The following ERC2 variants were observed in gnomAD, a reference collection of about 807,000 sequenced individuals.
ERC2 encodes ERC protein 2.
A neutral mutation model predicts 114.8 loss-of-function variants in ERC2; 42 were observed. The observed-to-expected ratio is 0.37, with a 90% confidence interval of 0.29 to 0.47. The LOEUF is 0.47. Among genes scored for constraint, ERC2 ranks in the 20% least tolerant of loss-of-function variants. ERC2 has a pLI of 0.99. For synonymous variants in ERC2, 454 were observed against 425.5 expected (o/e 1.07, Z -0.82); for missense variants, 939 against 1,150.7 (o/e 0.82, Z 2.66).
chr3:55,669,052 C>G (rs2061459431), intron 17 of ERC2, among the ~76,000 whole-genome samples: 1 of 152,176 alleles, frequency 6.6e-6, no homozygotes, highest in African/African-American at 2.4e-5. Context: ...GGCAGGAGCA[C>G]AAGAGCTTAG....
At chr3:55,668,001 G>T (rs2061419720) in intron 17 of ERC2, among the ~76,000 whole-genome samples, 1 of 152,104 alleles carries the variant, frequency 6.6e-6, no homozygotes, top group Non-Finnish European at 1.5e-5. Context: ...TAGCATCCCT[G>T]CCACCCCACC....
At chr3:56,054,140 A>G (rs1222035420) in intron 7 of ERC2, among the ~76,000 whole-genome samples, 1 of 152,238 alleles carries the variant, frequency 6.6e-6, no homozygotes, top group Non-Finnish European at 1.5e-5. Context: ...GGAAAAACAG[A>G]GAATGATATA....
intron 6 of ERC2, among the ~76,000 whole-genome samples, chr3:56,137,644 A>G (rs958751410): frequency 1.1e-4 from 16 of 152,240 alleles, no homozygotes; most frequent in African/African-American, 3.4e-4. Context: ...CTGTGTTCCA[A>G]TAATACTTTA....
intron 1 of ERC2, among the ~76,000 whole-genome samples, chr3:56,443,980 T>G (rs1456701852): frequency 6.7e-6 from 1 of 149,114 alleles, no homozygotes; most frequent in Non-Finnish European, 1.5e-5. Context: ...TTTTTTTGGT[T>G]GAGATGGAGT....
In ERC2 at chr3:56,393,839, A is replaced by T. The variant is rs1327337627; in HGVS notation, c.657+40512T>A. On this transcript the variant is annotated intron_variant, in intron 2 of 17. Transcript: ENST00000288221. Reference sequence around the variant, plus strand: ...TACACTGCCATAAGCCTCAGTGAAGATCAAAGAAGCTTCATAGCACAAAGC... The same window carrying T: ...TACACTGCCATAAGCCTCAGTGAAGTTCAAAGAAGCTTCATAGCACAAAGC... Among the ~76,000 whole-genome samples, 3 of 152,272 alleles carry T rather than the reference A, an allele frequency of 2.0e-5. No individual in the cohort carries two copies. In the Middle Eastern group the frequency reaches 0.01, roughly 518 times the overall value.
chr3:55,982,617 A>G (rs923447197), intron 12 of ERC2, among the ~76,000 whole-genome samples: 5 of 152,102 alleles, frequency 3.3e-5, no homozygotes, highest in Admixed American at 6.5e-5. Flanking sequence ...GTCACACCGC[A>G]TTTCTTAAAT....
intron 10 of ERC2, among the ~76,000 whole-genome samples, chr3:55,992,608 G>A (rs1279937411): frequency 6.6e-6 from 1 of 152,160 alleles, no homozygotes; most frequent in Non-Finnish European, 1.5e-5. Context: ...ACTCCTCACA[G>A]TTAAGGAGGT....
intron 14 of ERC2, among the ~76,000 whole-genome samples, chr3:55,867,163 T>G (rs1166632351): frequency 6.6e-6 from 1 of 151,924 alleles, no homozygotes; most frequent in Non-Finnish European, 1.5e-5. Context: ...GTCCCTTCCT[T>G]TCCTTCCTTC....
intron 15 of ERC2, among the ~76,000 whole-genome samples, chr3:55,718,466 CTGTT>C (rs1427254280): frequency 6.6e-6 from 1 of 152,194 alleles, no homozygotes; most frequent in East Asian, 1.9e-4. Flanking sequence ...CAAGATAAAA[CTGTT>C]TGGCAGCAGA....
At chr3:56,099,397 T>G (rs1368543862) in intron 6 of ERC2, among the ~76,000 whole-genome samples, 2 of 152,178 alleles carry the variant, frequency 1.3e-5, no homozygotes, top group Non-Finnish European at 2.9e-5. Context: ...CCAGCTAATG[T>G]TTATTATTTT....
At chr3:55,934,477 A>G (rs1214506828) in intron 13 of ERC2, among the ~76,000 whole-genome samples, 6 of 152,202 alleles carry the variant, frequency 3.9e-5, no homozygotes, top group Non-Finnish European at 8.8e-5. Context: ...TAGTCTTCTT[A>G]TCCCCATTTT....
At chr3:56,245,886 T>C (rs1560451794) in intron 3 of ERC2, among the ~76,000 whole-genome samples, 1 of 152,142 alleles carries the variant, frequency 6.6e-6, no homozygotes, top group East Asian at 1.9e-4. Flanking sequence ...CCTACCTGAA[T>C]GCTCCTTTAT....
intron 2 of ERC2, among the ~76,000 whole-genome samples, chr3:56,413,172 C>T (rs9812094): frequency 0.054 from 8,147 of 152,262 alleles, 558 homozygotes; most frequent in African/African-American, 0.16. Context: ...CTCCAAGCTG[C>T]GGACCCGAAC....
At chr3:56,178,135 A>G (rs906407081) in intron 3 of ERC2, among the ~76,000 whole-genome samples, 3 of 152,196 alleles carry the variant, frequency 2.0e-5, no homozygotes, top group Non-Finnish European at 4.4e-5. Flanking sequence ...CTTGGCGTTA[A>G]TGAGAGTCTA....
intron 7 of ERC2, among the ~76,000 whole-genome samples, chr3:56,062,232 C>T (rs2076273189): frequency 1.3e-5 from 2 of 152,090 alleles, no homozygotes; most frequent in Admixed American, 1.3e-4. Flanking sequence ...AGTACTATTG[C>T]TTTAGAAATG....
chr3:56,407,626 G>A (rs565374941), intron 2 of ERC2, among the ~76,000 whole-genome samples: 3 of 152,246 alleles, frequency 2.0e-5, no homozygotes, highest in Middle Eastern at 3.4e-3. Context: ...GATTCACTAA[G>A]TCTAGGTGGA....
At chr3:55,547,865 G>T (rs1327637530) in intron 17 of ERC2, among the ~76,000 whole-genome samples, 1 of 152,226 alleles carries the variant, frequency 6.6e-6, no homozygotes, top group Admixed American at 6.5e-5. Flanking sequence ...CAGACGTAAG[G>T]TCACACAGCA....
chr3:55,771,403 T>C (rs2068190808), intron 14 of ERC2, among the ~76,000 whole-genome samples: 1 of 152,216 alleles, frequency 6.6e-6, no homozygotes, highest in Admixed American at 6.5e-5. Flanking sequence ...ATTATCTCAC[T>C]GAGTCTTCAC....
chr3:56,110,411 C>A (rs1382899696), intron 6 of ERC2, among the ~76,000 whole-genome samples: 1 of 151,938 alleles, frequency 6.6e-6, no homozygotes, highest in Non-Finnish European at 1.5e-5. Context: ...AGAAGTGTGG[C>A]AAGGGAAATC....
Sources: allele counts gnomAD v4.1 joint callset (sites outside exome capture counted in the v4.1 genomes callset), GRCh38; gene constraint gnomAD v4.1.1; transcripts MANE v1.5; gene names NCBI Gene and HGNC (gene_info 2026-07-23, HGNC 2026-07-21).